PAPPA: variants seen among roughly 807,000 people sequenced by gnomAD.
PAPPA encodes pappalysin 1, also known as pappalysin-1.
PAPPA carries 60 observed loss-of-function variants against 164.0 expected under a neutral mutation model. That is an observed-to-expected ratio of 0.37 (90% CI 0.30 to 0.45). The LOEUF is 0.45. Ranked by LOEUF, PAPPA falls within the 20% of genes least tolerant of loss-of-function variation. PAPPA has a pLI of 1.00. For synonymous variants in PAPPA, 875 were observed against 814.1 expected (o/e 1.07, Z -1.27); for missense variants, 1,782 against 2,087.3 (o/e 0.85, Z 2.85).
intron 7 of PAPPA, among the ~76,000 whole-genome samples, chr9:116,241,464 G>T (rs1844734787): frequency 6.6e-6 from 1 of 152,128 alleles, no homozygotes; most frequent in Non-Finnish European, 1.5e-5. Context: ...AAAGCTAGCT[G>T]AGCTGCCATC....
In PAPPA at chr9:116,183,599, G is replaced by A. The variant is rs528443212; in HGVS notation, c.416-3555G>A. Among the ~76,000 whole-genome samples the A allele has an allele frequency of 2.1e-4, 32 of 152,142 alleles. 1 individual carries two copies. Among genetic ancestry groups the A allele is most frequent in the Admixed American group, 5.2e-4 (8 of 15,270 alleles). On this transcript the variant is annotated intron_variant, in intron 1 of 21. Coordinates refer to ENST00000328252, the MANE Select transcript of PAPPA (RefSeq NM_002581.5). ...GTTCATATAGAAATAAAACCCCATT[G>A]CCACCATACACCCCCAACCTTATTG... is the stretch of plus-strand genomic sequence containing the variant.
chr9:116,245,787 AGG>A (rs1844789978), intron 7 of PAPPA, among the ~76,000 whole-genome samples: 1 of 152,224 alleles, frequency 6.6e-6, no homozygotes, highest in African/African-American at 2.4e-5. Context: ...AATGCTAAGA[AGG>A]CTGTTAAACA....
intron 21 of PAPPA, among the ~76,000 whole-genome samples, chr9:116,385,589 G>T (rs1846799039): frequency 6.6e-6 from 1 of 152,180 alleles, no homozygotes; most frequent in Non-Finnish European, 1.5e-5. Flanking sequence ...TCTTCACTAA[G>T]GAACCCCAGA....
At chr9:116,268,354 G>C (rs1378370643) in intron 8 of PAPPA, among the ~76,000 whole-genome samples, 2 of 152,162 alleles carry the variant, frequency 1.3e-5, no homozygotes, top group African/African-American at 2.4e-5. Flanking sequence ...TCAAATTCCA[G>C]CTTTTGATAA....
chr9:116,257,987 A>G (rs933535851), intron 7 of PAPPA, among the ~76,000 whole-genome samples: 1 of 152,184 alleles, frequency 6.6e-6, no homozygotes. Flanking sequence ...ACTGACACCT[A>G]TAAAATGCTT....
At chr9:116,225,366 T>C (rs1023454457) in intron 5 of PAPPA, among the ~76,000 whole-genome samples, 4 of 152,230 alleles carry the variant, frequency 2.6e-5, no homozygotes, top group African/African-American at 9.6e-5. Flanking sequence ...GAGTAACTCA[T>C]GTATTTAAAA....
Position 116,362,582 on chromosome 9 carries a change from T to G in PAPPA, c.4348-10T>G. 1.9e-6 allele frequency: 3 copies of G among 1,612,086 alleles called. No homozygotes were observed. Among genetic ancestry groups the G allele is most frequent in the Non-Finnish European group, 2.5e-6 (3 of 1,178,944 alleles). ...TCTCTTGGTCCTAACTCTGTTTCTC[T>G]GTTGTTCAGGGACTTGGGAGCAATG... is the stretch of plus-strand genomic sequence containing the variant. On this transcript the variant is annotated splice_polypyrimidine_tract_variant and intron_variant, in intron 17 of 21. Coordinates refer to ENST00000328252, the MANE Select transcript of PAPPA (RefSeq NM_002581.5).
At chr9:116,168,711 A>T (rs367999585) in intron 1 of PAPPA, among the ~76,000 whole-genome samples, 1 of 152,232 alleles carries the variant, frequency 6.6e-6, no homozygotes, top group Admixed American at 6.5e-5. Context: ...TCAGCTGTAG[A>T]TACTTACCCA....
At chr9:116,376,415 A>G (rs376894147) in intron 19 of PAPPA, among the ~76,000 whole-genome samples, 1 of 152,096 alleles carries the variant, frequency 6.6e-6, no homozygotes, top group Non-Finnish European at 1.5e-5. Flanking sequence ...TTAAAATATC[A>G]TCATGTTGGA....
chr9:116,382,253 G>C, intron 20 of PAPPA, 142 bp from the exon 21 acceptor site: 1 of 649,696 alleles, frequency 1.5e-6, no homozygotes, highest in Non-Finnish European at 2.8e-6. Context: ...ATTCAAGGGG[G>C]TGTTGGGGAT....
intron 20 of PAPPA, among the ~76,000 whole-genome samples, chr9:116,380,607 T>C (rs1398074447): frequency 2.0e-5 from 3 of 152,150 alleles, no homozygotes; most frequent in Non-Finnish European, 1.5e-5. Context: ...TTGTTTGTTG[T>C]TTGTTTATAC....
chr9:116,288,676 C>G (rs1845375310), intron 9 of PAPPA: 2 of 151,854 alleles, frequency 1.3e-5, no homozygotes, highest in Admixed American at 1.3e-4. Context: ...GAAAACTTAC[C>G]CAAGAGCAAT....
rs757360437 is a variant in PAPPA, at chr9:116,187,596, C to G, written c.858C>G (p.Leu286=). Residue 286 remains leucine (L), a synonymous_variant, in exon 2 of 22, where the codon CTC becomes CTG. Transcript: ENST00000328252. The surrounding 1 kb of genome is among the most constrained non-coding windows in gnomAD (Gnocchi z 4.2). ...ACACTGCTCTACCTCAGCTCCTCCT[C>G]CAGGAGAACTGGGACAATGTGAAGC... ...GAHTALPQLL[L]QENWDNVKHA... is the part of the protein sequence containing the mutation. 13 of 1,614,094 alleles carry G rather than the reference C, an allele frequency of 8.1e-6. 1 individual carries two copies. In the Admixed American group the frequency reaches 2.0e-4, roughly 25 times the overall value.
Position 116,207,500 on chromosome 9 carries a change from A to T in PAPPA, c.1523A>T (p.Asp508Val), listed in dbSNP as rs928203165. 1.2e-6 allele frequency: 2 copies of T among 1,612,670 alleles called. No homozygotes were observed. Among genetic ancestry groups the T allele is most frequent in the Admixed American group, 3.3e-5 (2 of 59,892 alleles). Reference protein sequence around the residue: ...VNELKNILKLDGSTHLNIFFA... With the variant: ...VNELKNILKLVGSTHLNIFFA... Reference sequence around the variant, plus strand: ...GAGCTGAAGAACATTCTTAAATTGGATGGATCAACACATCTCAATATTTTC... The same window carrying T: ...GAGCTGAAGAACATTCTTAAATTGGTTGGATCAACACATCTCAATATTTTC... The change falls in exon 3 of 22, where the codon GAT (aspartate) becomes GTT (valine). Residue 508 changes from aspartate to valine, a missense_variant. Transcript: ENST00000328252.
At chr9:116,257,703 A>G (rs1039274296) in intron 7 of PAPPA, among the ~76,000 whole-genome samples, 6 of 152,052 alleles carry the variant, frequency 3.9e-5, no homozygotes, top group African/African-American at 1.4e-4. Flanking sequence ...CTCCGTCTCA[A>G]AAAACAAAAA....
At chr9:116,262,201 TAAA>T (rs11334752) in intron 7 of PAPPA, among the ~76,000 whole-genome samples, 82 of 145,448 alleles carry the variant, frequency 5.6e-4, no homozygotes, top group East Asian at 1.6e-3. Flanking sequence ...AAGACTGTCT[TAAA>T]AAAAAAAAAA....
chr9:116,372,051 G>A (rs542734959), intron 19 of PAPPA, among the ~76,000 whole-genome samples: 50 of 151,950 alleles, frequency 3.3e-4, no homozygotes, highest in African/African-American at 1.1e-3. Flanking sequence ...CTTCTTTTTT[G>A]TGTCCTAAAC....
chr9:116,280,986 C>T (rs1378154426), intron 9 of PAPPA, among the ~76,000 whole-genome samples: 1 of 152,154 alleles, frequency 6.6e-6, no homozygotes, highest in Non-Finnish European at 1.5e-5. Context: ...CAGATTCAAC[C>T]AATCTCAGAT....
At chr9:116,276,042 CT>C (rs1197706809) in intron 9 of PAPPA, among the ~76,000 whole-genome samples, 1 of 152,126 alleles carries the variant, frequency 6.6e-6, no homozygotes. Context: ...GTTATCTTGT[CT>C]TTTTTTCCCC....
Sources: allele counts gnomAD v4.1 joint callset (sites outside exome capture counted in the v4.1 genomes callset), GRCh38; gene constraint gnomAD v4.1.1; non-coding constraint Gnocchi (gnomAD v3.1); transcripts MANE v1.5; gene names NCBI Gene and HGNC (gene_info 2026-07-23, HGNC 2026-07-21).